LHFPL3: variants seen among roughly 807,000 people sequenced by gnomAD.
LHFPL3 encodes LHFPL tetraspan subfamily member 3, also known as LHFPL tetraspan subfamily member 3 protein.
LHFPL3 carries 5 observed loss-of-function variants against 19.3 expected under a neutral mutation model. The ratio of observed to expected loss-of-function variants is 0.26; its 90% CI spans 0.14 to 0.54. The LOEUF is 0.54. Ranked by LOEUF, LHFPL3 falls within the 20% of genes least tolerant of loss-of-function variation. The probability of loss-of-function intolerance (pLI) is 0.94; values close to 1 mark genes in which losing one functional copy is unlikely to be tolerated. For missense variants in LHFPL3, 249 were observed against 307.4 expected (o/e 0.81, Z 1.42); for synonymous variants, 133 against 126.2 (o/e 1.05, Z -0.36).
intron 1 of LHFPL3, among the ~76,000 whole-genome samples, chr7:104,377,203 C>T (rs1039051764): frequency 6.6e-6 from 1 of 152,202 alleles, no homozygotes; most frequent in Non-Finnish European, 1.5e-5. Flanking sequence ...ATAGAATTTG[C>T]TGATTCATTT....
intron 1 of LHFPL3, among the ~76,000 whole-genome samples, chr7:104,382,177 A>G (rs764547363): frequency 1.3e-5 from 2 of 152,208 alleles, no homozygotes; most frequent in Non-Finnish European, 2.9e-5. Flanking sequence ...TGCCCTCTGG[A>G]CCAGCAGTAT....
intron 1 of LHFPL3, among the ~76,000 whole-genome samples, chr7:104,331,650 C>T (rs1801569043): frequency 6.6e-6 from 1 of 152,096 alleles, no homozygotes; most frequent in Non-Finnish European, 1.5e-5. Context: ...TTGTAAGTTA[C>T]TTTGAAAGTT....
rs563733818 is a variant in LHFPL3, at chr7:104,696,892, A to T, written c.446-39783A>T. On this transcript the variant is annotated intron_variant, in intron 1 of 2. Coordinates refer to ENST00000424859, the MANE Select transcript of LHFPL3 (RefSeq NM_199000.3). ...CATTTGGGGCTTCTGTTTATAAGCCACAAAGTCCCACAGACTAGGTGGCTT... is the reference window on the plus strand; with the variant it reads ...CATTTGGGGCTTCTGTTTATAAGCCTCAAAGTCCCACAGACTAGGTGGCTT... Among the ~76,000 whole-genome samples the T allele has an allele frequency of 1.8e-4, 28 of 152,338 alleles. No individual in the cohort carries two copies. In the South Asian group the frequency reaches 5.6e-3, roughly 30 times the overall value.
chr7:104,812,425 G>T (rs1263793961), intron 2 of LHFPL3, among the ~76,000 whole-genome samples: 1 of 152,136 alleles, frequency 6.6e-6, no homozygotes, highest in East Asian at 1.9e-4. Context: ...ACAATGCTGA[G>T]TGAAAGAAGG....
At chr7:104,438,847 A>G (rs1015848352) in intron 1 of LHFPL3, among the ~76,000 whole-genome samples, 1 of 152,174 alleles carries the variant, frequency 6.6e-6, no homozygotes, top group Admixed American at 6.5e-5. Context: ...TTAAATCTCT[A>G]TCAAAACTGT....
chr7:104,489,562 T>C (rs1793300710), intron 1 of LHFPL3, among the ~76,000 whole-genome samples: 1 of 151,292 alleles, frequency 6.6e-6, no homozygotes, highest in South Asian at 2.1e-4. Flanking sequence ...AATAAATTAA[T>C]GTACTGGCTA....
intron 1 of LHFPL3, among the ~76,000 whole-genome samples, chr7:104,511,261 G>T (rs756544077): frequency 6.6e-6 from 1 of 152,136 alleles, no homozygotes; most frequent in African/African-American, 2.4e-5. Flanking sequence ...CCACAATGAC[G>T]TATCACTAGA....
chr7:104,531,244 A>C (rs927226215), intron 1 of LHFPL3, among the ~76,000 whole-genome samples: 2 of 152,212 alleles, frequency 1.3e-5, no homozygotes, highest in Non-Finnish European at 2.9e-5. Flanking sequence ...AGAGGTGTCC[A>C]GAAAGATCAG....
chr7:104,672,521 G>A (rs539512565), intron 1 of LHFPL3, among the ~76,000 whole-genome samples: 11 of 152,278 alleles, frequency 7.2e-5, no homozygotes, highest in African/African-American at 1.9e-4. Context: ...TAATCTCAGC[G>A]GCTAAAAAGT....
At chr7:104,392,756 G>A (rs1261955726) in intron 1 of LHFPL3, among the ~76,000 whole-genome samples, 2 of 152,116 alleles carry the variant, frequency 1.3e-5, no homozygotes, top group Non-Finnish European at 2.9e-5. Flanking sequence ...GTTTCAGAAG[G>A]AATGGTACCA....
intron 2 of LHFPL3, among the ~76,000 whole-genome samples, chr7:104,862,940 G>A (rs1376390656): frequency 6.6e-6 from 1 of 152,232 alleles, no homozygotes; most frequent in Non-Finnish European, 1.5e-5. Context: ...ACGACAGTAT[G>A]TGTAGAAAGA....
chr7:104,661,451 C>T (rs1173162546), intron 1 of LHFPL3, among the ~76,000 whole-genome samples: 1 of 152,204 alleles, frequency 6.6e-6, no homozygotes, highest in Non-Finnish European at 1.5e-5. Flanking sequence ...GCTTGTTCTC[C>T]CAACTACAGG....
intron 2 of LHFPL3, among the ~76,000 whole-genome samples, chr7:104,886,916 G>A (rs1256743796): frequency 6.6e-6 from 1 of 152,116 alleles, no homozygotes; most frequent in Non-Finnish European, 1.5e-5. Flanking sequence ...AAGTCCTCCC[G>A]GGGTCCCCGG....
At chr7:104,591,540 C>T (rs1332565494) in intron 1 of LHFPL3, among the ~76,000 whole-genome samples, 1 of 152,138 alleles carries the variant, frequency 6.6e-6, no homozygotes, top group South Asian at 2.1e-4. Flanking sequence ...CTCTGGCTGC[C>T]CTTAACATTT....
intron 1 of LHFPL3, among the ~76,000 whole-genome samples, chr7:104,482,632 C>G (rs1793158972): frequency 6.6e-6 from 1 of 152,202 alleles, no homozygotes; most frequent in African/African-American, 2.4e-5. Flanking sequence ...GAAGATACTG[C>G]CTTTCTCGGT....
chr7:104,426,490 A>G (rs909373208), intron 1 of LHFPL3, among the ~76,000 whole-genome samples: 12 of 152,148 alleles, frequency 7.9e-5, no homozygotes, highest in African/African-American at 2.9e-4. Flanking sequence ...TTCCGGCCTC[A>G]GGTGATCTGC....
intron 2 of LHFPL3, among the ~76,000 whole-genome samples, chr7:104,810,766 A>G (rs897986217): frequency 2.0e-5 from 3 of 152,230 alleles, no homozygotes; most frequent in African/African-American, 7.2e-5. Context: ...AAGCTGGAGG[A>G]ACCAACAAGG....
chr7:104,368,675 GTGTGTTGTT>G (rs1790546479), intron 1 of LHFPL3, among the ~76,000 whole-genome samples: 2 of 151,576 alleles, frequency 1.3e-5, no homozygotes, highest in Admixed American at 1.3e-4. Context: ...GTGTGTGTGT[GTGTGTTGTT>G]TTGTTTTGTT....
At chr7:104,707,948 T>C (rs1282887734) in intron 1 of LHFPL3, among the ~76,000 whole-genome samples, 1 of 152,120 alleles carries the variant, frequency 6.6e-6, no homozygotes, top group Non-Finnish European at 1.5e-5. Flanking sequence ...ACTACATAAA[T>C]GCTGAGAAAG....
Sources: allele counts gnomAD v4.1 joint callset (sites outside exome capture counted in the v4.1 genomes callset), GRCh38; gene constraint gnomAD v4.1.1; transcripts MANE v1.5; gene names NCBI Gene and HGNC (gene_info 2026-07-23, HGNC 2026-07-21).